The following C12orf42 variants were observed in gnomAD, a reference collection of about 807,000 sequenced individuals.
C12orf42 encodes uncharacterized protein C12orf42.
Under a neutral mutation model 21.6 loss-of-function variants are expected in C12orf42, and 25 were observed. That is an observed-to-expected ratio of 1.16 (90% CI 0.84 to 1.62). The LOEUF (loss-of-function observed/expected upper bound fraction) is 1.62. Among genes scored for constraint, C12orf42 ranks in the 40% most tolerant of loss-of-function variants. The pLI is 0.00. For synonymous variants in C12orf42, 174 were observed against 175.0 expected, an observed-to-expected ratio of 0.99 and a Z score of 0.05; for missense variants, 483 against 459.3, an observed-to-expected ratio of 1.05 and a Z score of -0.47.
At chr12:103,328,993 C>T in intron 4 of C12orf42, among the ~76,000 whole-genome samples, 1 of 152,210 alleles carries the variant, frequency 6.6e-6, no homozygotes, top group East Asian at 1.9e-4. Flanking sequence ...TCAGAATATC[C>T]TGATCTGGTG....
the C12orf42 span, among the ~76,000 whole-genome samples, chr12:103,158,150 G>A: frequency 3.9e-5 from 6 of 152,154 alleles, no homozygotes; most frequent in Non-Finnish European, 7.3e-5. Flanking sequence ...CAAGCATTGC[G>A]TGGATTATCT....
chr12:103,505,497 C>A, the C12orf42 span: 1 of 388,054 alleles, frequency 2.6e-6, no homozygotes. Flanking sequence ...GTGGTAGGGA[C>A]GGCATTTACT....
At chr12:103,318,389 G>A (rs1046209618) in intron 4 of C12orf42, among the ~76,000 whole-genome samples, 1 of 152,148 alleles carries the variant, frequency 6.6e-6, no homozygotes, top group Non-Finnish European at 1.5e-5. Flanking sequence ...GTCATGGGGT[G>A]TGCATATCTT....
chr12:103,309,647 G>A (rs929389950), intron 4 of C12orf42, among the ~76,000 whole-genome samples: 20 of 152,196 alleles, frequency 1.3e-4, no homozygotes, highest in African/African-American at 4.1e-4. Context: ...GTCCAGATTT[G>A]AGGGATAGAA....
the C12orf42 span, among the ~76,000 whole-genome samples, chr12:103,072,305 T>C: frequency 2.0e-5 from 3 of 152,172 alleles, no homozygotes; most frequent in South Asian, 2.1e-4. Context: ...ATAATAATAA[T>C]GTTCAAAATG....
At chr12:103,438,347 A>T (rs1026440441) in intron 2 of C12orf42, among the ~76,000 whole-genome samples, 19 of 152,240 alleles carry the variant, frequency 1.2e-4, no homozygotes, top group Non-Finnish European at 1.3e-4. Context: ...AAACTGGCAC[A>T]AAACAGGGAT....
At chr12:103,550,984 G>C in the C12orf42 span, among the ~76,000 whole-genome samples, 4 of 151,964 alleles carry the variant, frequency 2.6e-5, no homozygotes, top group Middle Eastern at 3.5e-3. Flanking sequence ...CCAATGTCTA[G>C]AATCAGTTAC....
At chr12:103,411,935 A>G (rs1274070634) in intron 2 of C12orf42, among the ~76,000 whole-genome samples, 2 of 152,214 alleles carry the variant, frequency 1.3e-5, no homozygotes, top group African/African-American at 2.4e-5. Context: ...TTTGAAGGCT[A>G]TAACATACTT....
the C12orf42 span, among the ~76,000 whole-genome samples, chr12:103,217,442 T>G: frequency 6.7e-6 from 1 of 149,226 alleles, no homozygotes; most frequent in Admixed American, 6.7e-5. Context: ...GGCAGGAGGA[T>G]CCCTTGAGCC....
intron 4 of C12orf42, among the ~76,000 whole-genome samples, chr12:103,294,462 GAAAGA>G (rs2037054027): frequency 2.7e-5 from 3 of 112,774 alleles, no homozygotes; most frequent in African/African-American, 1.3e-4. Context: ...AAGAAAGAAA[GAAAGA>G]AAGAAATAAG....
chr12:103,170,216 T>C, the C12orf42 span, among the ~76,000 whole-genome samples: 1 of 152,172 alleles, frequency 6.6e-6, no homozygotes, highest in Non-Finnish European at 1.5e-5. Context: ...TTTTCTTCTC[T>C]ATGTACAATT....
the C12orf42 span, among the ~76,000 whole-genome samples, chr12:103,506,671 G>C: frequency 6.7e-6 from 1 of 148,336 alleles, no homozygotes; most frequent in Non-Finnish European, 1.5e-5. Flanking sequence ...GCTTAACTTC[G>C]CATTTCTCAG....
In C12orf42 at chr12:103,436,533, C is replaced by T. The variant is rs1418400803; in HGVS notation, c.79-34858G>A. Among the ~76,000 whole-genome samples, 4 of 150,260 alleles carry T rather than the reference C, an allele frequency of 2.7e-5. 1 individual carries two copies. The South Asian group carries it at 6.4e-4, about 24-fold the overall frequency. On this transcript the variant is annotated intron_variant, in intron 2 of 5. Transcript: ENST00000548883. ...TCTCACGTGCAGAGACACACATAGG[C>T]TCAAAATAAAAGGATGGAGGAAGAT...
At chr12:103,132,637 C>T in the C12orf42 span, among the ~76,000 whole-genome samples, 1 of 152,200 alleles carries the variant, frequency 6.6e-6, no homozygotes, top group African/African-American at 2.4e-5. Flanking sequence ...ATCTCTGGAG[C>T]CCCATTGACA....
the C12orf42 span, among the ~76,000 whole-genome samples, chr12:103,130,870 A>G: frequency 6.6e-6 from 1 of 152,170 alleles, no homozygotes; most frequent in African/African-American, 2.4e-5. Context: ...AAACCTGAGT[A>G]GGTTGTTGCA....
chr12:103,154,651 G>A, the C12orf42 span, among the ~76,000 whole-genome samples: 1 of 151,668 alleles, frequency 6.6e-6, no homozygotes, highest in Non-Finnish European at 1.5e-5. Flanking sequence ...ATAAAAAGGT[G>A]GATTCATTCT....
At chr12:103,479,005 T>G (rs1954275194) in intron 1 of C12orf42, among the ~76,000 whole-genome samples, 1 of 152,188 alleles carries the variant, frequency 6.6e-6, no homozygotes, top group African/African-American at 2.4e-5. Flanking sequence ...CTTTGAGTTT[T>G]CGTCTTATTG....
chr12:103,246,934 T>C (rs949817482), intron 10 of C12orf42, among the ~76,000 whole-genome samples: 2 of 152,134 alleles, frequency 1.3e-5, no homozygotes, highest in South Asian at 2.1e-4. Context: ...GTATGCTTCA[T>C]TTTTAATATG....
intron 5 of C12orf42, among the ~76,000 whole-genome samples, chr12:103,272,001 C>T (rs1181834193): frequency 6.6e-6 from 1 of 152,096 alleles, no homozygotes; most frequent in Non-Finnish European, 1.5e-5. Context: ...TGGCATGTTT[C>T]CTCATCTATG....
Sources: gnomAD v4.1 joint callset for allele counts (sites outside exome capture counted in the v4.1 genomes callset) on GRCh38, gnomAD v4.1.1 for gene constraint, MANE v1.5 for transcripts, NCBI Gene and HGNC (gene_info 2026-07-23, HGNC 2026-07-21) for gene names.